ADCY2: variants seen among roughly 807,000 people sequenced by gnomAD.
ADCY2 encodes adenylate cyclase type 2.
A neutral mutation model predicts 125.2 loss-of-function variants in ADCY2; 31 were observed. The observed-to-expected ratio is 0.25, with a 90% CI of 0.19 to 0.33. The LOEUF is 0.33. Ranked by LOEUF, ADCY2 falls within the 10% of genes least tolerant of loss-of-function variation. The pLI is 1.00. For missense variants in ADCY2, 904 were observed against 1,418.2 expected (o/e 0.64, Z 5.82); for synonymous variants, 512 against 548.4 (o/e 0.93, Z 0.93).
chr5:7,697,039 A>G (rs1740916838), intron 6 of ADCY2, among the ~76,000 whole-genome samples: 1 of 151,900 alleles, frequency 6.6e-6, no homozygotes, highest in South Asian at 2.1e-4. Context: ...GGCTGGGAAC[A>G]GCATAACTCC....
At chr5:7,641,908 C>T (rs891072437) in intron 4 of ADCY2, among the ~76,000 whole-genome samples, 26 of 152,240 alleles carry the variant, frequency 1.7e-4, no homozygotes, top group African/African-American at 6.0e-4. Flanking sequence ...ACCACATTTT[C>T]TTTAATCAAT....
intron 20 of ADCY2, chr5:7,799,657 G>T (rs1289603086): frequency 1.3e-5 from 2 of 152,372 alleles, no homozygotes; most frequent in African/African-American, 4.8e-5. Flanking sequence ...GGCAACCGCA[G>T]CTCCCCTGAG....
chr5:7,457,478 G>T (rs1402641006), intron 2 of ADCY2, among the ~76,000 whole-genome samples: 1 of 152,096 alleles, frequency 6.6e-6, no homozygotes, highest in Non-Finnish European at 1.5e-5. Flanking sequence ...AGAATGGAAG[G>T]CGCATTCAAG....
intron 2 of ADCY2, among the ~76,000 whole-genome samples, chr5:7,496,149 A>T (rs1012618961): frequency 7.2e-5 from 11 of 152,244 alleles, no homozygotes; most frequent in African/African-American, 2.7e-4. Context: ...ACAACACACC[A>T]TGCAAAAGGG....
At chr5:7,763,051 T>TTTGTTTG (rs1560962798) in intron 16 of ADCY2, among the ~76,000 whole-genome samples, 124 of 150,522 alleles carry the variant, frequency 8.2e-4, no homozygotes, top group Middle Eastern at 3.2e-3. Flanking sequence ...TCTTTGTTTT[T>TTTGTTTG]TTTGTTTGTT....
At chr5:7,791,475 G>A (rs536295829) in intron 20 of ADCY2, among the ~76,000 whole-genome samples, 1 of 152,244 alleles carries the variant, frequency 6.6e-6, no homozygotes, top group South Asian at 2.1e-4. Flanking sequence ...GGCAGATGAG[G>A]TGCTAGACAT....
intron 17 of ADCY2, among the ~76,000 whole-genome samples, chr5:7,767,900 A>G (rs1174483932): frequency 1.3e-5 from 2 of 152,176 alleles, no homozygotes; most frequent in Non-Finnish European, 2.9e-5. Context: ...ATGTGGTGGC[A>G]GGTGCCTATA....
chr5:7,419,891 C>A (rs1008138346), intron 2 of ADCY2, among the ~76,000 whole-genome samples: 10 of 152,318 alleles, frequency 6.6e-5, no homozygotes, highest in African/African-American at 2.4e-4. Context: ...TACATGACTT[C>A]ACTCATTCGT....
chr5:7,588,169 AAAAG>A (rs1427294130), intron 3 of ADCY2, among the ~76,000 whole-genome samples: 2 of 152,220 alleles, frequency 1.3e-5, no homozygotes, highest in Non-Finnish European at 2.9e-5. Context: ...AAAATATCAT[AAAAG>A]AAAGGATTCT....
intron 2 of ADCY2, among the ~76,000 whole-genome samples, chr5:7,509,501 A>G (rs1250888079): frequency 3.9e-5 from 6 of 152,150 alleles, no homozygotes; most frequent in Non-Finnish European, 8.8e-5. Context: ...TTTAAAATGC[A>G]TGACATACCT....
At chr5:7,455,876 G>A (rs1408610298) in intron 2 of ADCY2, among the ~76,000 whole-genome samples, 2 of 145,996 alleles carry the variant, frequency 1.4e-5, no homozygotes, top group Non-Finnish European at 3.0e-5. Context: ...TTATAAAATT[G>A]CATAACATAT....
chr5:7,585,770 A>G (rs1478064159), intron 3 of ADCY2, among the ~76,000 whole-genome samples: 1 of 152,202 alleles, frequency 6.6e-6, no homozygotes, highest in Non-Finnish European at 1.5e-5. Flanking sequence ...GTCTTTCGGG[A>G]TTAGTATCCA....
At position 7,802,287 on chromosome 5, in the gene ADCY2, T is replaced by C; in HGVS notation, c.2698T>C (p.Tyr900His). 6.2e-7 allele frequency: 1 copy of C among 1,614,194 alleles called. No homozygotes were observed. The highest frequency in any genetic ancestry group is 2.2e-5 in the East Asian group (1 of 44,892). ...FASIPDFKEF[Y>H]TESDVNKEGL... Reference sequence around the variant, plus strand: ...CTCCATTCCGGATTTCAAAGAATTTTATACAGAATCCGACGTGAACAAGGA... The same window carrying C: ...CTCCATTCCGGATTTCAAAGAATTTCATACAGAATCCGACGTGAACAAGGA... The change falls in exon 21 of 25, where the codon TAT becomes CAT. Residue 900 changes from tyrosine to histidine, a missense_variant. Tyr to His is a moderately conservative substitution (Grantham distance 83, BLOSUM62 2). This residue lies in a region of ADCY2 where 181 missense variants were observed against 381.6 expected (regional missense o/e 0.47). Coordinates refer to ENST00000338316, the MANE Select transcript of ADCY2 (RefSeq NM_020546.3). The surrounding 1 kb of genome is among the most constrained non-coding windows in gnomAD (Gnocchi z 4.6).
chr5:7,654,105 C>T (rs777752429), intron 4 of ADCY2: 13 of 456,012 alleles, frequency 2.9e-5, no homozygotes, highest in African/African-American at 4.0e-5. Flanking sequence ...GCAGTCACCA[C>T]GGGACTCCTG....
At chr5:7,615,568 CTATTT>C (rs1395872519) in intron 3 of ADCY2, among the ~76,000 whole-genome samples, 4 of 152,110 alleles carry the variant, frequency 2.6e-5, no homozygotes, top group African/African-American at 9.7e-5. Flanking sequence ...GTTTTAATAA[CTATTT>C]TATTTAATTA....
rs1744627008 is a variant in ADCY2, at chr5:7,802,456, A to G, written c.2775+92A>G. 19 of 1,426,864 alleles carry G rather than the reference A, an allele frequency of 1.3e-5. No individual in the cohort carries two copies. Among genetic ancestry groups the G allele is most frequent in the Non-Finnish European group, 1.6e-5 (17 of 1,066,338 alleles). The allele number at this position is 1,426,864 out of a possible 1,614,324, so 88.4% of individuals were successfully genotyped here. A position where few individuals can be genotyped will look rare whatever the true frequency, so the allele number is the denominator to read the frequency against. ...TACTTCAGGATAGTGGCCTATCCCA[A>G]AAAAACTTGTCCTTTGGCATAATTT... On this transcript the variant is annotated intron_variant, in intron 21 of 24. Transcript: ENST00000338316. The surrounding 1 kb of genome is among the most constrained non-coding windows in gnomAD (Gnocchi z 4.6).
intron 6 of ADCY2, among the ~76,000 whole-genome samples, chr5:7,697,929 T>G (rs538027374): frequency 2.8e-4 from 42 of 152,236 alleles, no homozygotes; most frequent in Non-Finnish European, 5.6e-4. Flanking sequence ...CCCTTAATGT[T>G]TGGAGCTGCT....
intron 20 of ADCY2, chr5:7,794,789 A>T (rs1744371618): frequency 6.6e-6 from 1 of 152,134 alleles, no homozygotes; most frequent in Non-Finnish European, 1.5e-5. Context: ...TTAACCTTGC[A>T]ATCCCAGGCC....
chr5:7,647,867 G>A (rs778941399), intron 4 of ADCY2, among the ~76,000 whole-genome samples: 6 of 152,212 alleles, frequency 3.9e-5, no homozygotes, highest in South Asian at 2.1e-4. Flanking sequence ...TTTCCCCTCT[G>A]TATTGAAATA....
Sources: allele counts gnomAD v4.1 joint callset (sites outside exome capture counted in the v4.1 genomes callset), GRCh38; gene constraint gnomAD v4.1.1; regional missense constraint gnomAD v4.1.1; non-coding constraint Gnocchi (gnomAD v3.1); transcripts MANE v1.5; gene names NCBI Gene and HGNC (gene_info 2026-07-23, HGNC 2026-07-21).